Variants in FRMD3 observed in about 807,000 individuals in gnomAD.
The protein encoded by FRMD3 is FERM domain-containing protein 3.
In FRMD3, 33 loss-of-function variants were observed where a neutral mutation model predicts 70.2. The observed-to-expected ratio is 0.47, with a 90% confidence interval of 0.36 to 0.63. FRMD3 has a LOEUF of 0.63. Among genes scored for constraint, FRMD3 ranks in the 20% least tolerant of loss-of-function variants. The pLI is 0.00. For synonymous variants in FRMD3, 279 were observed against 255.9 expected, an observed-to-expected ratio of 1.09 and a Z score of -0.86; for missense variants, 632 against 711.4, an observed-to-expected ratio of 0.89 and a Z score of 1.27.
chr9:83,256,630 A>C (rs1832720789), intron 13 of FRMD3, among the ~76,000 whole-genome samples: 1 of 152,186 alleles, frequency 6.6e-6, no homozygotes, highest in Non-Finnish European at 1.5e-5. Flanking sequence ...CAAAGGTCTA[A>C]TGTCCACAGT....
At chr9:83,444,347 G>A (rs553496603) in intron 1 of FRMD3, among the ~76,000 whole-genome samples, 1 of 152,352 alleles carries the variant, frequency 6.6e-6, no homozygotes, top group African/African-American at 2.4e-5. Flanking sequence ...GGTCTGGCTT[G>A]GTTCCCACAT....
At chr9:83,395,271 G>T in intron 1 of FRMD3, among the ~76,000 whole-genome samples, 1 of 58,490 alleles carries the variant, frequency 1.7e-5, no homozygotes, top group Non-Finnish European at 3.2e-5. Context: ...GTCCTCTATA[G>T]ATTTAAAAAA....
chr9:83,376,777 T>C (rs1720049107), intron 2 of FRMD3, among the ~76,000 whole-genome samples: 2 of 152,192 alleles, frequency 1.3e-5, no homozygotes, highest in South Asian at 4.1e-4. Flanking sequence ...GTATATATGG[T>C]ATCAAATATG....
intron 1 of FRMD3, among the ~76,000 whole-genome samples, chr9:83,484,993 G>T (rs1828654842): frequency 6.6e-6 from 1 of 152,226 alleles, no homozygotes; most frequent in Non-Finnish European, 1.5e-5. Context: ...TAGCTTCCAT[G>T]TGTACTGGAG....
chr9:83,425,810 G>A (rs1051598065), intron 1 of FRMD3, among the ~76,000 whole-genome samples: 1 of 151,050 alleles, frequency 6.6e-6, no homozygotes, highest in African/African-American at 2.4e-5. Flanking sequence ...GAGAGGCTGA[G>A]GCAGGAGAAT....
chr9:83,551,300 CA>C, the FRMD3 span, among the ~76,000 whole-genome samples: 1 of 152,102 alleles, frequency 6.6e-6, no homozygotes, highest in Non-Finnish European at 1.5e-5. Flanking sequence ...TATGTTGAGC[CA>C]ACTTTGCATC....
chr9:83,371,323 T>A (rs914933592), intron 3 of FRMD3, among the ~76,000 whole-genome samples: 1 of 15,944 alleles, frequency 6.3e-5, no homozygotes, highest in African/African-American at 3.8e-4. Context: ...TCTTATTACT[T>A]TTTTTTTTTT....
chr9:83,279,986 G>C lies in FRMD3; in HGVS notation c.1195+10617C>G, dbSNP rs530683899. 6.2e-4 allele frequency among the ~76,000 whole-genome samples: 94 copies of C among 152,238 alleles called. 1 individual carries two copies. Among genetic ancestry groups the C allele is most frequent in the African/African-American group, 2.2e-3 (93 of 41,534 alleles). On this transcript the variant is annotated intron_variant, in intron 13 of 13. Transcript: ENST00000304195. ...TTTTCTAAAAAAGTAAAATAAAACTGTCTTTCATAGAATAAAAAGCAAGAA... is the reference window on the plus strand; with the variant it reads ...TTTTCTAAAAAAGTAAAATAAAACTCTCTTTCATAGAATAAAAAGCAAGAA...
At chr9:83,532,630 T>C (rs907353750) in intron 1 of FRMD3, among the ~76,000 whole-genome samples, 7 of 151,816 alleles carry the variant, frequency 4.6e-5, no homozygotes, top group African/African-American at 1.5e-4. Context: ...CACATGTGCA[T>C]GCACACACAC....
chr9:83,299,705 C>T (rs1564002681), intron 10 of FRMD3, among the ~76,000 whole-genome samples: 1 of 152,216 alleles, frequency 6.6e-6, no homozygotes, highest in African/African-American at 2.4e-5. Flanking sequence ...ACAAGGGTCC[C>T]GCATCACCAC....
chr9:83,485,772 A>G (rs1359859978), intron 1 of FRMD3, among the ~76,000 whole-genome samples: 1 of 152,232 alleles, frequency 6.6e-6, no homozygotes, highest in Non-Finnish European at 1.5e-5. Flanking sequence ...TTTCAACTCC[A>G]TTCAGTCACT....
chr9:83,469,718 G>T (rs569121007), intron 1 of FRMD3, among the ~76,000 whole-genome samples: 1 of 152,224 alleles, frequency 6.6e-6, no homozygotes, highest in Non-Finnish European at 1.5e-5. Context: ...GGAGGAGAGG[G>T]AAATGCCTGA....
chr9:83,344,069 T>C (rs756739255), intron 4 of FRMD3, among the ~76,000 whole-genome samples: 1 of 152,246 alleles, frequency 6.6e-6, no homozygotes, highest in Non-Finnish European at 1.5e-5. Context: ...AGCAGAGCAG[T>C]GTGCCAGGTT....
intron 13 of FRMD3, among the ~76,000 whole-genome samples, chr9:83,281,301 C>T (rs1020435931): frequency 6.6e-6 from 1 of 152,196 alleles, no homozygotes; most frequent in African/African-American, 2.4e-5. Flanking sequence ...CACCTTTCCT[C>T]TCCTGTGGTT....
intron 4 of FRMD3, among the ~76,000 whole-genome samples, chr9:83,347,780 A>G (rs563590940): frequency 1.3e-5 from 2 of 152,352 alleles, no homozygotes; most frequent in South Asian, 2.1e-4. Context: ...CCTTCAAGAT[A>G]AGAATTCAAA....
At chr9:83,413,143 T>C (rs1200091187) in intron 1 of FRMD3, among the ~76,000 whole-genome samples, 1 of 152,266 alleles carries the variant, frequency 6.6e-6, no homozygotes, top group Non-Finnish European at 1.5e-5. Context: ...GTCAATTCGT[T>C]CTGCTATGTT....
At chr9:83,413,545 CT>C (rs1485746601) in intron 1 of FRMD3, among the ~76,000 whole-genome samples, 1 of 152,156 alleles carries the variant, frequency 6.6e-6, no homozygotes, top group Non-Finnish European at 1.5e-5. Context: ...AGGATAATCG[CT>C]TTTCAGCACT....
rs779001167 is a variant in FRMD3, at chr9:83,389,700, G to C, written c.156C>G (p.Thr52=). ...SEISCHIQRE[T]KGQFLIDHIC... is the part of the protein sequence containing the mutation. ...TGTGGTCAATGAGAAACTGCCCTTT[G>C]GTTTCCCTCTGCAAAGGAAGCACAT... The change falls in exon 2 of 14, where the codon ACC becomes ACG. Residue 52 remains threonine, a synonymous_variant. Coordinates refer to ENST00000304195, the MANE Select transcript of FRMD3 (RefSeq NM_174938.6). The C allele has an allele frequency of 6.2e-7, 1 of 1,612,682 alleles. No individual in the cohort carries two copies. The highest frequency in any genetic ancestry group is 2.2e-5 in the East Asian group (1 of 44,860).
At chr9:83,584,957 G>A in the FRMD3 span, among the ~76,000 whole-genome samples, 1 of 152,314 alleles carries the variant, frequency 6.6e-6, no homozygotes, top group South Asian at 2.1e-4. Flanking sequence ...AAAGACAGAG[G>A]CAGGGAACAA....
Sources: gnomAD v4.1 joint callset for allele counts (sites outside exome capture counted in the v4.1 genomes callset) on GRCh38, gnomAD v4.1.1 for gene constraint, MANE v1.5 for transcripts, NCBI Gene and HGNC (gene_info 2026-07-23, HGNC 2026-07-21) for gene names.